The following RERE variants were observed in gnomAD, a reference collection of about 807,000 sequenced individuals.
The protein encoded by RERE is arginine-glutamic acid dipeptide repeats protein.
Under a neutral mutation model 146.1 loss-of-function variants are expected in RERE, and 40 were observed. The ratio of observed to expected loss-of-function variants is 0.27; its 90% confidence interval spans 0.21 to 0.36. RERE has a LOEUF of 0.36. Ranked by LOEUF, RERE falls within the 10% of genes least tolerant of loss-of-function variation. The pLI is 1.00. For synonymous variants in RERE, 1,003 were observed against 866.0 expected (o/e 1.16, Z -2.78); for missense variants, 1,933 against 2,138.7 (o/e 0.90, Z 1.90).
intron 21 of RERE, 34 bp from the exon 22 acceptor site, chr1:8,355,633 T>C (rs757760816): frequency 5.9e-6 from 9 of 1,534,084 alleles, no homozygotes; most frequent in South Asian, 1.2e-5. Context: ...GCTACAGAAA[T>C]AGCCAGAGGA....
intron 1 of RERE, among the ~76,000 whole-genome samples, chr1:8,722,934 C>G (rs1358681813): frequency 6.6e-6 from 1 of 152,188 alleles, no homozygotes; most frequent in Non-Finnish European, 1.5e-5. Context: ...CATTTAAACT[C>G]AGGCTCTATA....
chr1:8,392,035 T>A (rs1042203544), intron 12 of RERE, among the ~76,000 whole-genome samples: 1 of 152,056 alleles, frequency 6.6e-6, no homozygotes, highest in Non-Finnish European at 1.5e-5. Context: ...TCAGAAAAAA[T>A]AAATAAATAA....
At chr1:8,474,171 C>A (rs892387318) in intron 10 of RERE, among the ~76,000 whole-genome samples, 3 of 152,148 alleles carry the variant, frequency 2.0e-5, no homozygotes, top group African/African-American at 7.2e-5. Context: ...TAATGACTGC[C>A]TACAGTTTAA....
At chr1:8,609,717 A>G (rs1009349282) in intron 4 of RERE, among the ~76,000 whole-genome samples, 2 of 152,226 alleles carry the variant, frequency 1.3e-5, no homozygotes, top group African/African-American at 2.4e-5. Context: ...CATTTCCAAA[A>G]GAGCATTTTA....
At chr1:8,501,136 C>T (rs1333377490) in intron 8 of RERE, among the ~76,000 whole-genome samples, 2 of 146,084 alleles carry the variant, frequency 1.4e-5, no homozygotes, top group Non-Finnish European at 3.0e-5. Flanking sequence ...CCCCTCTGCC[C>T]GGCCAGCTGC....
At chr1:8,617,920 T>C (rs1159755860) in intron 3 of RERE, among the ~76,000 whole-genome samples, 2 of 152,274 alleles carry the variant, frequency 1.3e-5, no homozygotes, top group Non-Finnish European at 2.9e-5. Flanking sequence ...TTTCTATACA[T>C]TACACACTGC....
chr1:8,550,150 G>A (rs891034138), intron 6 of RERE, among the ~76,000 whole-genome samples: 3 of 152,196 alleles, frequency 2.0e-5, no homozygotes, highest in African/African-American at 7.2e-5. Context: ...TTGAACCTGA[G>A]TACTTGTAAC....
Position 8,366,259 on chromosome 1 carries a change from C to T in RERE, c.1285-285G>A, listed in dbSNP as rs533740759. The stretch of plus-strand genomic sequence containing the variant: ...GGGTGTCTGCTATGTCAGACCCCAC[C>T]GCTGTTGTACACATGGGAGGTACAC... On this transcript the variant is annotated intron_variant, in intron 12 of 22. Coordinates refer to ENST00000400908, the MANE Select transcript of RERE (RefSeq NM_001042681.2). Among the ~76,000 whole-genome samples, 17 of 152,258 alleles carry T rather than the reference C, an allele frequency of 1.1e-4. No homozygotes were observed. In the South Asian group the frequency reaches 2.1e-3, roughly 19 times the overall value.
At chr1:8,642,594 G>A (rs889452809) in intron 2 of RERE, among the ~76,000 whole-genome samples, 4 of 152,122 alleles carry the variant, frequency 2.6e-5, no homozygotes, top group Non-Finnish European at 4.4e-5. Context: ...AGATATTAAC[G>A]AGTTTATAAA....
intron 10 of RERE, among the ~76,000 whole-genome samples, chr1:8,494,257 T>C (rs1213114406): frequency 6.6e-6 from 1 of 152,218 alleles, no homozygotes; most frequent in Non-Finnish European, 1.5e-5. Flanking sequence ...AAAACAAGTT[T>C]ATGCAAAAAA....
At chr1:8,560,084 T>C (rs376568046) in intron 4 of RERE, among the ~76,000 whole-genome samples, 2 of 152,184 alleles carry the variant, frequency 1.3e-5, no homozygotes, top group Admixed American at 6.5e-5. Context: ...TTACTCATTA[T>C]AGAAAAAATA....
At chr1:8,448,481 A>G (rs891876891) in intron 11 of RERE, among the ~76,000 whole-genome samples, 5 of 152,192 alleles carry the variant, frequency 3.3e-5, no homozygotes, top group East Asian at 3.8e-4. Context: ...AAAAAAGGCC[A>G]GGCGCAGTGG....
intron 4 of RERE, among the ~76,000 whole-genome samples, chr1:8,559,279 T>TCAAAAAAAAAAAA (rs1164053508): frequency 4.9e-4 from 1 of 2,050 alleles, no homozygotes. Context: ...AAACTCCAGC[T>TCAAAAAAAAAAAA]CAAAAAAAAA....
chr1:8,767,297 C>T (rs1453769873), intron 1 of RERE, among the ~76,000 whole-genome samples: 1 of 152,058 alleles, frequency 6.6e-6, no homozygotes, highest in Non-Finnish European at 1.5e-5. Context: ...AGGTTTGATA[C>T]ATAATTGAAA....
chr1:8,605,241 T>C (rs1263764550), intron 4 of RERE, among the ~76,000 whole-genome samples: 1 of 152,176 alleles, frequency 6.6e-6, no homozygotes, highest in Non-Finnish European at 1.5e-5. Flanking sequence ...CAAGCAATTC[T>C]CCTGCTTCAG....
intron 1 of RERE, among the ~76,000 whole-genome samples, chr1:8,780,896 C>T (rs1267580690): frequency 6.6e-6 from 1 of 152,168 alleles, no homozygotes; most frequent in Non-Finnish European, 1.5e-5. Context: ...TTCTCTGCCC[C>T]ACACTCACAA....
At chr1:8,375,369 C>A (rs892788626) in intron 12 of RERE, among the ~76,000 whole-genome samples, 7 of 152,138 alleles carry the variant, frequency 4.6e-5, no homozygotes, top group Admixed American at 3.3e-4. Context: ...AGAAAAAGTT[C>A]TTTGATTACA....
intron 1 of RERE, among the ~76,000 whole-genome samples, chr1:8,677,425 CAAA>C (rs33947474): frequency 5.3e-5 from 5 of 93,742 alleles, no homozygotes; most frequent in Admixed American, 1.2e-4. Context: ...GTCTCCGTCT[CAAA>C]AAAAAAAAAA....
At chr1:8,545,980 G>GTTTTTTTTTTTTT (rs1480930167) in intron 6 of RERE, among the ~76,000 whole-genome samples, 3 of 75,374 alleles carry the variant, frequency 4.0e-5, no homozygotes, top group African/African-American at 1.2e-4. Flanking sequence ...ACCATACCCA[G>GTTTTTTTTTTTTT]TCTTTTTTTT....
Sources: allele counts gnomAD v4.1 joint callset (sites outside exome capture counted in the v4.1 genomes callset), GRCh38; gene constraint gnomAD v4.1.1; transcripts MANE v1.5; gene names NCBI Gene and HGNC (gene_info 2026-07-23, HGNC 2026-07-21).